Variants in EPS8 observed in about 807,000 individuals in gnomAD.
EPS8 encodes the protein EGFR pathway substrate 8, signaling adaptor.
A neutral mutation model predicts 103.8 loss-of-function variants in EPS8; 42 were observed. The observed-to-expected ratio is 0.40, with a 90% CI of 0.32 to 0.52. EPS8 has a LOEUF of 0.52. Ranked by LOEUF, EPS8 falls within the 20% of genes least tolerant of loss-of-function variation. The pLI is 0.40. For missense variants in EPS8, 969 were observed against 1,005.1 expected (o/e 0.96, Z 0.49); for synonymous variants, 344 against 344.6 (o/e 1.00, Z 0.02).
At chr12:15,634,239 G>C (rs946044506) in intron 17 of EPS8, among the ~76,000 whole-genome samples, 5 of 152,198 alleles carry the variant, frequency 3.3e-5, no homozygotes, top group Non-Finnish European at 5.9e-5. Flanking sequence ...GGTCAGCCTG[G>C]TGTGGACCTA....
chr12:15,773,444 A>C (rs1421148483), intron 1 of EPS8, among the ~76,000 whole-genome samples: 1 of 152,140 alleles, frequency 6.6e-6, no homozygotes, highest in Non-Finnish European at 1.5e-5. Context: ...CCTGGTATTA[A>C]ACATATGCAC....
In EPS8 at chr12:15,762,084, C is replaced by T. The variant is rs1947047786; in HGVS notation, c.-22+27077G>A. ...TATATATAGAGCTCAAACAACTCTA[C>T]AAGAAAACATCTAATAATCCATTCA... On this transcript the variant is annotated intron_variant, in intron 1 of 20. Transcript: ENST00000281172. The surrounding 1 kb of genome is among the most constrained non-coding windows in gnomAD (Gnocchi z 4.8). 6.6e-6 allele frequency among the ~76,000 whole-genome samples: 1 copy of T among 152,066 alleles called. No individual in the cohort carries two copies. The highest frequency in any genetic ancestry group is 2.1e-4 in the South Asian group (1 of 4,818).
At chr12:15,637,219 C>T (rs1945151030) in intron 17 of EPS8, among the ~76,000 whole-genome samples, 1 of 152,168 alleles carries the variant, frequency 6.6e-6, no homozygotes, top group Non-Finnish European at 1.5e-5. Flanking sequence ...CAGGGTTTTG[C>T]CATGTTGGCC....
At chr12:15,705,617 G>A (rs1946375360) in intron 1 of EPS8, among the ~76,000 whole-genome samples, 1 of 152,124 alleles carries the variant, frequency 6.6e-6, no homozygotes, top group Non-Finnish European at 1.5e-5. Flanking sequence ...ATTATAAAAT[G>A]ATGCTAATTA....
At chr12:15,765,768 G>C (rs1035491084) in intron 1 of EPS8, among the ~76,000 whole-genome samples, 1 of 151,146 alleles carries the variant, frequency 6.6e-6, no homozygotes, top group Non-Finnish European at 1.5e-5. Context: ...ACAGTATTTT[G>C]GTTTTTGACA....
chr12:15,657,150 C>T (rs148529141), intron 12 of EPS8, among the ~76,000 whole-genome samples: 2 of 152,266 alleles, frequency 1.3e-5, no homozygotes, highest in Non-Finnish European at 2.9e-5. Context: ...CTAATCTTTT[C>T]TTCATTCTGT....
intron 6 of EPS8, 93 bp from the exon 7 acceptor site, chr12:15,666,615 A>G (rs1252452835): frequency 4.7e-6 from 4 of 852,230 alleles, no homozygotes; most frequent in Middle Eastern, 2.2e-4. Context: ...TCCTTGTCTG[A>G]ATCAGTAAGT....
intron 1 of EPS8, among the ~76,000 whole-genome samples, chr12:15,753,104 A>G (rs1946950406): frequency 6.6e-6 from 1 of 151,872 alleles, no homozygotes; most frequent in African/African-American, 2.4e-5. Context: ...ACAGGGCCAC[A>G]GCAGGAAGAC....
intron 1 of EPS8, among the ~76,000 whole-genome samples, chr12:15,775,953 T>G (rs890705886): frequency 6.6e-6 from 1 of 152,156 alleles, no homozygotes; most frequent in African/African-American, 2.4e-5. Flanking sequence ...AAAATTCCTA[T>G]CTCATATATG....
chr12:15,688,571 G>A lies in EPS8; in HGVS notation c.-21-5599C>T, dbSNP rs1167339016. Among the ~76,000 whole-genome samples the A allele has an allele frequency of 6.6e-6, 1 of 152,258 alleles. No homozygotes were observed. The highest frequency in any genetic ancestry group is 2.4e-5 in the African/African-American group (1 of 41,554). ...GGACATTGAGAGGGGCACATCGGCA[G>A]AGGAACACACCAACAGGCACTAGCA... On this transcript the variant is annotated intron_variant, in intron 1 of 20. Coordinates refer to ENST00000281172, the MANE Select transcript of EPS8 (RefSeq NM_004447.6). This position sits in a 1 kb window ranked among gnomAD's most constrained non-coding sequence, Gnocchi z 5.1.
In EPS8 at chr12:15,672,706, G is replaced by A. The variant is rs138175649; in HGVS notation, c.137-1783C>T. Among the ~76,000 whole-genome samples the A allele has an allele frequency of 1.1e-4, 17 of 152,308 alleles. 1 individual carries two copies. The highest frequency in any genetic ancestry group is 1.9e-4 in the East Asian group (1 of 5,192). On this transcript the variant is annotated intron_variant, in intron 3 of 20. Transcript: ENST00000281172. ...ATCGATAATTGTCCCTGTGACAGCC[G>A]TTATGACTCTTGTAATACAATATAT...
chr12:15,723,357 A>G (rs1277987793), intron 1 of EPS8, among the ~76,000 whole-genome samples: 1 of 152,160 alleles, frequency 6.6e-6, no homozygotes, highest in Non-Finnish European at 1.5e-5. Flanking sequence ...GGAAAAAATT[A>G]CTATTTCTTT....
At chr12:15,740,879 A>G (rs911418640) in intron 1 of EPS8, among the ~76,000 whole-genome samples, 6 of 152,246 alleles carry the variant, frequency 3.9e-5, no homozygotes, top group Admixed American at 1.3e-4. Flanking sequence ...TAAGTTGAGT[A>G]CATCTACGTG....
rs922863556 is a variant in EPS8 at position 15,704,969 on chromosome 12, C to T, written c.-21-21997G>A. On this transcript the variant is annotated intron_variant, in intron 1 of 20. Transcript: ENST00000281172. The surrounding 1 kb of genome is among the most constrained non-coding windows in gnomAD (Gnocchi z 4.6). Reference sequence around the variant, plus strand: ...CTGTGTGTATATACACACACACATACATATACATGTGTGTATATTTTTTAA... The same window carrying T: ...CTGTGTGTATATACACACACACATATATATACATGTGTGTATATTTTTTAA... 1.3e-5 allele frequency among the ~76,000 whole-genome samples: 2 copies of T among 152,148 alleles called. No homozygotes were observed. The highest frequency in any genetic ancestry group is 1.3e-4 in the Admixed American group (2 of 15,280).
In EPS8 at chr12:15,751,473, C is replaced by T. The variant is rs536471709; in HGVS notation, c.-22+37688G>A. On this transcript the variant is annotated intron_variant, in intron 1 of 20. Transcript: ENST00000281172. The surrounding 1 kb of genome is among the most constrained non-coding windows in gnomAD (Gnocchi z 4.3). The stretch of plus-strand genomic sequence containing the variant: ...TATGGCACTATAGCAATAAACAAGG[C>T]CACAATGATCCCAGTCCTAAAAAGC... Among the ~76,000 whole-genome samples the T allele has an allele frequency of 1.1e-4, 16 of 152,218 alleles. No homozygotes were observed. The highest frequency in any genetic ancestry group is 3.6e-4 in the African/African-American group (15 of 41,506).
chr12:15,735,573 A>C lies in EPS8; in HGVS notation c.-21-52601T>G, dbSNP rs1428834332. On this transcript the variant is annotated intron_variant, in intron 1 of 20. Transcript: ENST00000281172. This position sits in a 1 kb window ranked among gnomAD's most constrained non-coding sequence, Gnocchi z 4.4. Reference sequence around the variant, plus strand: ...AATGCCTCAAAGCTACTTAATTTTGAATCTTTTTAATATTTTTCTAGCGTT... The same window carrying C: ...AATGCCTCAAAGCTACTTAATTTTGCATCTTTTTAATATTTTTCTAGCGTT... Among the ~76,000 whole-genome samples, 1 of 152,208 alleles carries C rather than the reference A, an allele frequency of 6.6e-6. No individual in the cohort carries two copies. The highest frequency in any genetic ancestry group is 6.5e-5 in the Admixed American group (1 of 15,286).
At chr12:15,750,155 G>A (rs1946916523) in intron 1 of EPS8, among the ~76,000 whole-genome samples, 1 of 152,186 alleles carries the variant, frequency 6.6e-6, no homozygotes, top group Non-Finnish European at 1.5e-5. Context: ...TGCTCAGTGA[G>A]TGTTTGCCAC....
Position 15,654,027 on chromosome 12 carries a change from GT to G in EPS8, c.1250+117del, listed in dbSNP as rs1289230927. Reference sequence around the variant, plus strand: ...AGACTTCTAGCCTTTAAGGGTTTAGGTTTTTTCATCCTATGACGCTTAGTCC... The same window carrying G: ...AGACTTCTAGCCTTTAAGGGTTTAGGTTTTTCATCCTATGACGCTTAGTCC... On this transcript the variant is annotated intron_variant, in intron 13 of 20. Transcript: ENST00000281172. The G allele has an allele frequency of 8.1e-5, 80 of 986,306 alleles. 1 individual carries two copies. Among genetic ancestry groups the G allele is most frequent in the Non-Finnish European group, 1.8e-5 (12 of 662,080 alleles). 61.1% of individuals were successfully genotyped at this position (986,306 alleles called of 1,614,324 possible).
chr12:15,728,322 T>C lies in EPS8; in HGVS notation c.-21-45350A>G, dbSNP rs1216489394. ...CCATTTTCAAACCAGGGGGGGTGCCTTGTGGGTGTATGTGTGTATATAACT... is the reference window on the plus strand; with the variant it reads ...CCATTTTCAAACCAGGGGGGGTGCCCTGTGGGTGTATGTGTGTATATAACT... On this transcript the variant is annotated intron_variant, in intron 1 of 20. Coordinates refer to ENST00000281172, the MANE Select transcript of EPS8 (RefSeq NM_004447.6). The surrounding 1 kb of genome is among the most constrained non-coding windows in gnomAD (Gnocchi z 4.5). The C allele has an allele frequency of 6.6e-6, 1 of 152,198 alleles. No individual in the cohort carries two copies. The highest frequency in any genetic ancestry group is 6.5e-5 in the Admixed American group (1 of 15,278). The allele number at this position is 152,198 out of a possible 1,614,324, so 9.4% of individuals were successfully genotyped here.
Sources: gnomAD v4.1 joint callset for allele counts (sites outside exome capture counted in the v4.1 genomes callset) on GRCh38, gnomAD v4.1.1 for gene constraint, Gnocchi (gnomAD v3.1) non-coding constraint, MANE v1.5 for transcripts, NCBI Gene and HGNC (gene_info 2026-07-23, HGNC 2026-07-21) for gene names.